Variants in SEZ6L observed in about 807,000 individuals in gnomAD.
SEZ6L encodes the protein seizure 6-like protein.
A neutral mutation model predicts 106.2 loss-of-function variants in SEZ6L; 37 were observed. The observed-to-expected ratio is 0.35, with a 90% CI of 0.27 to 0.46. The LOEUF is 0.46. Ranked by LOEUF, SEZ6L falls within the 20% of genes least tolerant of loss-of-function variation. The probability of loss-of-function intolerance (pLI) is 1.00; values close to 1 mark genes in which losing one functional copy is unlikely to be tolerated. For missense variants in SEZ6L, 1,172 were observed against 1,332.8 expected (o/e 0.88, Z 1.88); for synonymous variants, 541 against 570.4 (o/e 0.95, Z 0.73).
intron 1 of SEZ6L, among the ~76,000 whole-genome samples, chr22:26,251,327 A>C (rs1357082562): frequency 2.0e-5 from 2 of 102,206 alleles, no homozygotes; most frequent in Middle Eastern, 4.5e-3. Flanking sequence ...TTTATTCCTA[A>C]TTTGTTGAAA....
rs1441770068 is a variant in SEZ6L at position 26,351,059 on chromosome 22, C to T, written c.2415C>T (p.Tyr805=). The T allele has an allele frequency of 6.2e-7, 1 of 1,613,302 alleles. No homozygotes were observed. Among genetic ancestry groups the T allele is most frequent in the African/African-American group, 1.3e-5 (1 of 74,930 alleles). ...TGGTTTCATCCCGTGTAGTTATGTA[C>T]TGCACCGACCCCGGAGAGGTGGATC... ...SDPPFCEKIM[Y]CTDPGEVDHS... is the part of the protein sequence containing the mutation. Residue 805 remains tyrosine (Y), a synonymous_variant, in exon 12 of 17, where the codon TAC becomes TAT. Transcript: ENST00000248933.
At chr22:26,293,292 G>T (rs542099316) in intron 2 of SEZ6L, 146 bp downstream of exon 2, 28 of 1,222,120 alleles carry the variant, frequency 2.3e-5, no homozygotes, top group Non-Finnish European at 2.8e-5. Context: ...GCTTCGCCCT[G>T]TGGCTCAGAA....
At chr22:26,222,174 G>C (rs552785668) in intron 1 of SEZ6L, among the ~76,000 whole-genome samples, 3 of 152,300 alleles carry the variant, frequency 2.0e-5, no homozygotes, top group African/African-American at 7.2e-5. Flanking sequence ...CTGGGAATCT[G>C]CATTTTAGCC....
At chr22:26,372,473 C>T (rs187467533) in intron 13 of SEZ6L, among the ~76,000 whole-genome samples, 43 of 152,290 alleles carry the variant, frequency 2.8e-4, no homozygotes, top group South Asian at 1.2e-3. Context: ...AGCTTTTCAG[C>T]TGGTTTTGTC....
At chr22:26,331,610 C>T (rs1001444244) in intron 9 of SEZ6L, among the ~76,000 whole-genome samples, 1 of 152,098 alleles carries the variant, frequency 6.6e-6, no homozygotes, top group Non-Finnish European at 1.5e-5. Flanking sequence ...TATACCTGAT[C>T]GATAATAACC....
intron 1 of SEZ6L, among the ~76,000 whole-genome samples, chr22:26,221,083 T>C (rs73156826): frequency 0.023 from 3,464 of 151,832 alleles, 44 homozygotes; most frequent in Non-Finnish European, 0.034. Flanking sequence ...GAGGGAGAAA[T>C]AGGCAAATTT....
At chr22:26,348,590 A>AAGAAAG (rs2083102415) in intron 11 of SEZ6L, among the ~76,000 whole-genome samples, 3 of 67,480 alleles carry the variant, frequency 4.4e-5, no homozygotes, top group Non-Finnish European at 7.3e-5. Context: ...AAGAAAGAGA[A>AAGAAAG]AGAAAGAAAG....
chr22:26,356,003 C>T (rs2083424962), intron 12 of SEZ6L, among the ~76,000 whole-genome samples: 1 of 152,232 alleles, frequency 6.6e-6, no homozygotes, highest in Admixed American at 6.5e-5. Context: ...GGCCTCAGAG[C>T]CCCCATCTGT....
At chr22:26,300,496 A>G (rs2081421668) in intron 5 of SEZ6L, among the ~76,000 whole-genome samples, 1 of 152,176 alleles carries the variant, frequency 6.6e-6, no homozygotes, top group Non-Finnish European at 1.5e-5. Context: ...ATCATTTTTT[A>G]TGGCTGCATA....
intron 1 of SEZ6L, among the ~76,000 whole-genome samples, chr22:26,230,128 C>T (rs2078753593): frequency 2.6e-5 from 4 of 152,154 alleles, no homozygotes; most frequent in Admixed American, 2.6e-4. Flanking sequence ...GAACAGGCAT[C>T]CCTCCAGCTC....
chr22:26,358,955 C>T (rs2000640), intron 12 of SEZ6L, among the ~76,000 whole-genome samples: 4,106 of 152,194 alleles, frequency 0.027, 197 homozygotes, highest in African/African-American at 0.093. Context: ...AGAAAACCTG[C>T]CTTAGATGAT....
chr22:26,246,821 C>T (rs561407985), intron 1 of SEZ6L, among the ~76,000 whole-genome samples: 1 of 152,218 alleles, frequency 6.6e-6, no homozygotes, highest in East Asian at 1.9e-4. Flanking sequence ...TATTAATAAC[C>T]CCCTTCATTA....
rs1040761923 is a variant in SEZ6L at position 26,226,908 on chromosome 22, C to A, written c.94+57145C>A. ...CCCCTTCTACCATGAAGAATGAAAC[C>A]ACACAATAAAGATGAGAGAGCAGAA... On this transcript the variant is annotated intron_variant, in intron 1 of 16. Coordinates refer to ENST00000248933, the MANE Select transcript of SEZ6L (RefSeq NM_021115.5). 2.0e-5 allele frequency among the ~76,000 whole-genome samples: 3 copies of A among 152,248 alleles called. No homozygotes were observed. In the East Asian group the frequency reaches 5.8e-4, roughly 29 times the overall value.
In SEZ6L at chr22:26,293,100, C is replaced by T. The variant is rs2081190445; in HGVS notation, c.789C>T (p.Thr263=). ...CAGAGGAGAGCCAGGAGACCACTAC[C>T]TCCACCATTATCACCACCACGGTCA... is the stretch of plus-strand genomic sequence containing the variant. The part of the protein sequence containing the change: ...SASEESQETT[T]STIITTTVIT... The change falls in exon 2 of 17, where the codon ACC becomes ACT. Residue 263 remains threonine (T), a synonymous_variant. Coordinates refer to ENST00000248933, the MANE Select transcript of SEZ6L (RefSeq NM_021115.5). The T allele has an allele frequency of 6.2e-7, 1 of 1,602,522 alleles. No homozygotes were observed.
At chr22:26,304,038 C>T (rs1051130692) in intron 5 of SEZ6L, among the ~76,000 whole-genome samples, 5 of 152,130 alleles carry the variant, frequency 3.3e-5, no homozygotes, top group African/African-American at 4.8e-5. Flanking sequence ...GAAGCATCTG[C>T]TACCCACCAT....
chr22:26,266,908 G>C (rs892372328), intron 1 of SEZ6L, among the ~76,000 whole-genome samples: 1 of 152,076 alleles, frequency 6.6e-6, no homozygotes, highest in Non-Finnish European at 1.5e-5. Flanking sequence ...TGGAATATGG[G>C]GGAAGAAGCA....
chr22:26,348,703 A>AAAGAAAGAAAGGAAGG (rs1207033331), intron 11 of SEZ6L, among the ~76,000 whole-genome samples: 1 of 41,480 alleles, frequency 2.4e-5, no homozygotes, highest in Non-Finnish European at 4.4e-5. Flanking sequence ...AGAAAGAAAG[A>AAAGAAAGAAAGGAAGG]AGGCAAGGGA....
chr22:26,369,205 C>A (rs2083919272), intron 13 of SEZ6L, among the ~76,000 whole-genome samples: 2 of 151,812 alleles, frequency 1.3e-5, no homozygotes, highest in Admixed American at 1.3e-4. Flanking sequence ...ACCCAGGGAC[C>A]AGTTTAACTA....
At chr22:26,360,970 G>T (rs562174068) in intron 12 of SEZ6L, among the ~76,000 whole-genome samples, 2 of 152,202 alleles carry the variant, frequency 1.3e-5, no homozygotes, top group East Asian at 3.9e-4. Flanking sequence ...ATAAAGTGTT[G>T]TGCACCGGGC....
Sources: allele counts gnomAD v4.1 joint callset (sites outside exome capture counted in the v4.1 genomes callset), GRCh38; gene constraint gnomAD v4.1.1; transcripts MANE v1.5; gene names NCBI Gene and HGNC (gene_info 2026-07-23, HGNC 2026-07-21).